Variants in EPS15L1 observed in about 807,000 individuals in gnomAD.
The protein encoded by EPS15L1 is epidermal growth factor receptor substrate 15-like 1.
EPS15L1 carries 43 observed loss-of-function variants against 117.1 expected under a neutral mutation model. The observed-to-expected ratio is 0.37, with a 90% CI of 0.29 to 0.47. The LOEUF is 0.47. EPS15L1 is among the 20% of genes least tolerant of loss of function. The pLI is 0.99. For synonymous variants in EPS15L1, 459 were observed against 470.5 expected, an observed-to-expected ratio of 0.98 and a Z score of 0.32; for missense variants, 981 against 1,164.0, an observed-to-expected ratio of 0.84 and a Z score of 2.29.
At chr19:16,379,081 A>C (rs1367928032) in intron 21 of EPS15L1, among the ~76,000 whole-genome samples, 1 of 152,222 alleles carries the variant, frequency 6.6e-6, no homozygotes, top group Non-Finnish European at 1.5e-5. Context: ...AGGCGGGCAG[A>C]TCACGAGGTT....
intron 16 of EPS15L1, among the ~76,000 whole-genome samples, chr19:16,398,298 T>C (rs1444123661): frequency 6.6e-6 from 1 of 152,232 alleles, no homozygotes; most frequent in African/African-American, 2.4e-5. Flanking sequence ...AAAGAATAGC[T>C]GGAGCCTCCG....
intron 13 of EPS15L1, chr19:16,413,551 A>C: frequency 2.7e-6 from 2 of 727,914 alleles, no homozygotes; most frequent in Non-Finnish European, 4.6e-6. Flanking sequence ...CAGAGCACCC[A>C]GGCTCCAGCT....
At chr19:16,446,409 T>C (rs2093084145) in intron 1 of EPS15L1, among the ~76,000 whole-genome samples, 1 of 152,178 alleles carries the variant, frequency 6.6e-6, no homozygotes, top group African/African-American at 2.4e-5. Context: ...AACAAACCAA[T>C]GATCATCAGC....
chr19:16,414,953 T>A (rs1386812005), intron 12 of EPS15L1, among the ~76,000 whole-genome samples: 1 of 152,130 alleles, frequency 6.6e-6, no homozygotes, highest in East Asian at 1.9e-4. Flanking sequence ...CCGATCCTCT[T>A]GCCTTGGCCT....
At chr19:16,414,830 C>A (rs1383034723) in intron 12 of EPS15L1, among the ~76,000 whole-genome samples, 1 of 151,956 alleles carries the variant, frequency 6.6e-6, no homozygotes, top group African/African-American at 2.4e-5. Flanking sequence ...CCACCTTAGC[C>A]TCCTGAGTAG....
intron 10 of EPS15L1, among the ~76,000 whole-genome samples, chr19:16,418,756 T>G (rs1254097951): frequency 6.6e-6 from 1 of 152,134 alleles, no homozygotes; most frequent in Non-Finnish European, 1.5e-5. Context: ...ATTAGTGCCC[T>G]TATAAAAGAG....
chr19:16,421,466 T>C lies in EPS15L1; in HGVS notation c.803A>G (p.Asn268Ser). 1 of 1,611,626 alleles carries C rather than the reference T, an allele frequency of 6.2e-7. No individual in the cohort carries two copies. Among genetic ancestry groups the C allele is most frequent in the Admixed American group, 1.7e-5 (1 of 59,982 alleles). Residue 268 changes from asparagine (N) to serine (S), a missense_variant, in exon 10 of 24, where the codon AAC (asparagine) becomes AGC (serine). By Grantham distance (46) the Asn-to-Ser change is conservative. Around this residue, in one of 5 missense-constraint regions of EPS15L1, gnomAD observed 819 missense variants for 949.0 expected, o/e 0.86. Coordinates refer to ENST00000455140, the MANE Select transcript of EPS15L1 (RefSeq NM_001258374.3). ...HSLKQTQPTV[N>S]WVVPVADKMR... is the part of the protein sequence containing the mutation. ...CTTGTCTGCCACGGGCACCACCCAG[T>C]TCACTGTTGGCTGAAACAGTTTTTG... is the stretch of plus-strand genomic sequence containing the variant.
At chr19:16,470,782 T>C (rs549379346) in intron 1 of EPS15L1, among the ~76,000 whole-genome samples, 1 of 152,288 alleles carries the variant, frequency 6.6e-6, no homozygotes, top group East Asian at 1.9e-4. Context: ...CTGCGGTCTC[T>C]ACTCCCAAAC....
At chr19:16,444,134 AAT>A (rs2093060526) in intron 1 of EPS15L1, among the ~76,000 whole-genome samples, 1 of 150,862 alleles carries the variant, frequency 6.6e-6, no homozygotes, top group South Asian at 2.1e-4. Context: ...ATAGAAGGAA[AAT>A]AGCATAAAGA....
At chr19:16,395,934 G>GAT (rs1555746374) in intron 16 of EPS15L1, among the ~76,000 whole-genome samples, 8 of 142,782 alleles carry the variant, frequency 5.6e-5, no homozygotes, top group African/African-American at 7.9e-5. Context: ...GATAGAGTGA[G>GAT]TCTATCTCAA....
chr19:16,386,899 T>C (rs1362859248), intron 19 of EPS15L1, among the ~76,000 whole-genome samples: 1 of 152,204 alleles, frequency 6.6e-6, no homozygotes, highest in Non-Finnish European at 1.5e-5. Flanking sequence ...CCATTCCTGC[T>C]CTTTGGAGAA....
intron 10 of EPS15L1, among the ~76,000 whole-genome samples, chr19:16,418,649 A>G (rs2092783891): frequency 6.6e-6 from 1 of 152,188 alleles, no homozygotes. Flanking sequence ...GTCCCCCCAG[A>G]TTCCTATGTC....
intron 19 of EPS15L1, among the ~76,000 whole-genome samples, chr19:16,391,925 A>C (rs1292007870): frequency 6.6e-6 from 1 of 151,856 alleles, no homozygotes; most frequent in Non-Finnish European, 1.5e-5. Context: ...CCATGCGAGC[A>C]TGTGGTGCTT....
chr19:16,455,591 C>T (rs752286367), intron 1 of EPS15L1, among the ~76,000 whole-genome samples: 2 of 152,228 alleles, frequency 1.3e-5, no homozygotes, highest in Non-Finnish European at 2.9e-5. Context: ...TCTTGCTTCA[C>T]TAAGAGAAGC....
intron 13 of EPS15L1, among the ~76,000 whole-genome samples, chr19:16,406,890 G>C (rs993495180): frequency 6.6e-6 from 1 of 152,170 alleles, no homozygotes; most frequent in Non-Finnish European, 1.5e-5. Context: ...GGGGCCTCTA[G>C]GAGGTGATTA....
intron 11 of EPS15L1, 59 bp from the exon 12 acceptor site, chr19:16,417,696 G>A: frequency 1.4e-6 from 2 of 1,420,998 alleles, no homozygotes; most frequent in Non-Finnish European, 2.0e-6. Flanking sequence ...CCTGACAGGA[G>A]GCACCAGCAG....
intron 1 of EPS15L1, among the ~76,000 whole-genome samples, chr19:16,454,422 G>A (rs936549942): frequency 2.6e-5 from 4 of 152,296 alleles, no homozygotes; most frequent in Admixed American, 2.6e-4. Flanking sequence ...CTACGGGCCA[G>A]CTAGTTTGCT....
At chr19:16,422,280 G>A (rs1334942572) in intron 9 of EPS15L1, among the ~76,000 whole-genome samples, 1 of 152,216 alleles carries the variant, frequency 6.6e-6, no homozygotes, top group Non-Finnish European at 1.5e-5. Context: ...GAGGCATTGA[G>A]GCCCCTCAGG....
intron 10 of EPS15L1, among the ~76,000 whole-genome samples, chr19:16,419,626 A>G (rs12462740): frequency 0.025 from 3,794 of 152,278 alleles, 122 homozygotes; most frequent in Admixed American, 0.087. Context: ...AAGCCATTAC[A>G]ACAGAAGTTT....
Sources: gnomAD v4.1 joint callset for allele counts (sites outside exome capture counted in the v4.1 genomes callset) on GRCh38, gnomAD v4.1.1 for gene constraint, gnomAD v4.1.1 regional missense constraint, MANE v1.5 for transcripts, NCBI Gene and HGNC (gene_info 2026-07-23, HGNC 2026-07-21) for gene names.